RABGAP1L: variants seen among roughly 807,000 people sequenced by gnomAD.
RABGAP1L encodes rab GTPase-activating protein 1-like.
In RABGAP1L, 63 loss-of-function variants were observed where a neutral mutation model predicts 137.7. The observed-to-expected ratio is 0.46, with a 90% CI of 0.37 to 0.56. The LOEUF is 0.56. Ranked by LOEUF, RABGAP1L falls within the 20% of genes least tolerant of loss-of-function variation. The probability of loss-of-function intolerance (pLI) is 0.00; values close to 1 mark genes in which losing one functional copy is unlikely to be tolerated. For synonymous variants in RABGAP1L, 431 were observed against 433.7 expected (o/e 0.99, Z 0.08); for missense variants, 1,095 against 1,244.0 (o/e 0.88, Z 1.80).
At chr1:174,429,746 A>AAAAAT (rs537553649) in intron 13 of RABGAP1L, among the ~76,000 whole-genome samples, 47,957 of 151,122 alleles carry the variant, frequency 0.32, 9,184 homozygotes, top group African/African-American at 0.53. Context: ...TCTCAAAAAA[A>AAAAAT]AAAAATAAAA....
intron 13 of RABGAP1L, among the ~76,000 whole-genome samples, chr1:174,475,948 T>C (rs538392217): frequency 1.3e-5 from 2 of 152,078 alleles, no homozygotes; most frequent in Non-Finnish European, 2.9e-5. Flanking sequence ...TATATAACAT[T>C]ATAACTTATT....
At chr1:174,590,502 C>G (rs916350434) in intron 13 of RABGAP1L, among the ~76,000 whole-genome samples, 2 of 87,274 alleles carry the variant, frequency 2.3e-5, no homozygotes, top group African/African-American at 1.4e-4. Flanking sequence ...CCTCCCCCCT[C>G]CCCCGACCCC....
At chr1:174,737,567 C>G (rs1683061297) in intron 17 of RABGAP1L, among the ~76,000 whole-genome samples, 1 of 147,096 alleles carries the variant, frequency 6.8e-6, no homozygotes, top group South Asian at 2.1e-4. Context: ...CTTCCAACCT[C>G]TACCTGTTAC....
intron 21 of RABGAP1L, among the ~76,000 whole-genome samples, chr1:174,972,572 G>C (rs922437537): frequency 6.6e-6 from 1 of 152,000 alleles, no homozygotes; most frequent in Admixed American, 6.6e-5. Flanking sequence ...GGTGAAGGCT[G>C]TCTGGTGCAG....
At chr1:174,233,679 G>T (rs1246833461) in intron 4 of RABGAP1L, among the ~76,000 whole-genome samples, 1 of 130,328 alleles carries the variant, frequency 7.7e-6, no homozygotes, top group Non-Finnish European at 1.5e-5. Context: ...TGGACATTTG[G>T]GTTGGTTCCA....
At chr1:174,238,796 C>A (rs1671476622) in intron 4 of RABGAP1L, 1 of 151,420 alleles carries the variant, frequency 6.6e-6, no homozygotes, top group Non-Finnish European at 1.5e-5. Flanking sequence ...TGGGCTCCAC[C>A]CAGTTCGAGC....
intron 13 of RABGAP1L, among the ~76,000 whole-genome samples, chr1:174,523,073 G>T (rs941894728): frequency 1.3e-5 from 2 of 152,202 alleles, no homozygotes; most frequent in Non-Finnish European, 2.9e-5. Flanking sequence ...TCTTCTGTTA[G>T]CCCTCAGCAT....
At chr1:174,224,031 A>C (rs1443316579) in intron 3 of RABGAP1L, among the ~76,000 whole-genome samples, 1 of 152,222 alleles carries the variant, frequency 6.6e-6, no homozygotes, top group African/African-American at 2.4e-5. Flanking sequence ...TAGGTTCCTT[A>C]GTTGTACATA....
chr1:174,349,533 G>A lies in RABGAP1L; in HGVS notation c.1466-21446G>A, dbSNP rs568443856. 3.4e-3 allele frequency among the ~76,000 whole-genome samples: 457 copies of A among 134,588 alleles called. 1 individual carries two copies. The highest frequency in any genetic ancestry group is 5.0e-3 in the Non-Finnish European group (305 of 60,882). 88.3% of individuals were successfully genotyped at this position (134,588 alleles called of 152,430 possible). ...TCCTCACTTCCCAGTAGGGGCGGCC[G>A]GGCAGAGGCGCCCCTCACCTCCCGG... On this transcript the variant is annotated intron_variant, in intron 11 of 25. Coordinates refer to ENST00000681986, the MANE Select transcript of RABGAP1L (RefSeq NM_001366446.1).
chr1:174,287,675 T>C (rs1160188410), intron 10 of RABGAP1L, among the ~76,000 whole-genome samples: 1 of 152,058 alleles, frequency 6.6e-6, no homozygotes, highest in Non-Finnish European at 1.5e-5. Context: ...GCTTTTTTAT[T>C]ACAGACAGGG....
At chr1:174,462,643 A>T (rs994783403) in intron 13 of RABGAP1L, among the ~76,000 whole-genome samples, 10 of 152,208 alleles carry the variant, frequency 6.6e-5, no homozygotes, top group East Asian at 3.9e-4. Context: ...CGAGGTAGTG[A>T]GCATAGTACC....
chr1:174,703,110 C>T (rs1238320356), intron 17 of RABGAP1L, among the ~76,000 whole-genome samples: 1 of 152,000 alleles, frequency 6.6e-6, no homozygotes, highest in Non-Finnish European at 1.5e-5. Context: ...AGGTAAACAT[C>T]CTTTAAAAAA....
chr1:174,875,422 C>T (rs569615632), intron 19 of RABGAP1L: 5 of 535,316 alleles, frequency 9.3e-6, no homozygotes, highest in Middle Eastern at 9.1e-4. Context: ...TGCTGAACTG[C>T]GGTTATAACT....
chr1:174,298,495 T>C (rs1230932713), intron 10 of RABGAP1L, among the ~76,000 whole-genome samples: 4 of 152,234 alleles, frequency 2.6e-5, no homozygotes, highest in Non-Finnish European at 5.9e-5. Flanking sequence ...GCGCTGTGCC[T>C]TTTAACTTCC....
chr1:174,498,535 C>A (rs1336736550), intron 13 of RABGAP1L, among the ~76,000 whole-genome samples: 7 of 151,718 alleles, frequency 4.6e-5, no homozygotes, highest in Non-Finnish European at 7.4e-5. Context: ...TGCTTTGTTG[C>A]CCAGGCTGGA....
intron 5 of RABGAP1L, among the ~76,000 whole-genome samples, chr1:174,249,225 C>T (rs1402304479): frequency 6.6e-5 from 10 of 152,290 alleles, no homozygotes; most frequent in East Asian, 3.9e-4. Context: ...TTTCAGCATT[C>T]ATTCTGGGAA....
chr1:174,250,437 A>G, intron 5 of RABGAP1L, 38 bp from the exon 6 acceptor site: 3 of 1,534,052 alleles, frequency 2.0e-6, no homozygotes, highest in Non-Finnish European at 2.7e-6. Flanking sequence ...TGCAATTAAA[A>G]CCTTTGCCTA....
chr1:174,321,988 A>AT (rs57693085), intron 11 of RABGAP1L, among the ~76,000 whole-genome samples: 44,399 of 151,864 alleles, frequency 0.29, 7,271 homozygotes, highest in African/African-American at 0.43. Context: ...ATATTAGACA[A>AT]TTTTTTTATC....
At position 174,380,491 on chromosome 1, in the gene RABGAP1L, T is replaced by C. The variant is rs1686029865; in HGVS notation, c.1559+9419T>C. 2.0e-5 allele frequency among the ~76,000 whole-genome samples: 3 copies of C among 151,770 alleles called. No homozygotes were observed. The South Asian group carries it at 6.2e-4, about 32-fold the overall frequency. On this transcript the variant is annotated intron_variant, in intron 12 of 25. Transcript: ENST00000681986. ...TCCTGTTATTGGTCTATTCAGAGAT[T>C]CAACTTCTTCCTGGTTTAGTCTTGG...
Sources: gnomAD v4.1 joint callset for allele counts (sites outside exome capture counted in the v4.1 genomes callset) on GRCh38, gnomAD v4.1.1 for gene constraint, MANE v1.5 for transcripts, NCBI Gene and HGNC (gene_info 2026-07-23, HGNC 2026-07-21) for gene names.